Variants in FBXL20 observed in about 807,000 individuals in gnomAD.
FBXL20 encodes the protein F-box and leucine rich repeat protein 20, also known as F-box/LRR-repeat protein 20.
A neutral mutation model predicts 64.0 loss-of-function variants in FBXL20; 11 were observed. The ratio of observed to expected loss-of-function variants is 0.17; its 90% CI spans 0.11 to 0.28. The LOEUF is 0.28. FBXL20 is among the 10% of genes least tolerant of loss of function. The pLI is 1.00. For missense variants in FBXL20, 303 were observed against 526.2 expected (o/e 0.58, Z 4.15); for synonymous variants, 184 against 189.0 (o/e 0.97, Z 0.22).
At chr17:39,380,615 T>G (rs1015445797) in intron 1 of FBXL20, among the ~76,000 whole-genome samples, 1 of 152,182 alleles carries the variant, frequency 6.6e-6, no homozygotes, top group Non-Finnish European at 1.5e-5. Context: ...CCCCCTTTCC[T>G]GCCCTTTATT....
chr17:39,254,580 C>T lies in FBXL20; in HGVS notation c.*6880G>A, dbSNP rs2046678194. On this transcript the variant is annotated 3_prime_UTR_variant, in exon 15 of 15. Transcript: ENST00000264658. ...TTCTTTCGGTGGTGCCAAAACCTAT[C>T]TGTTTGACTGGTTAAGTGTGTAGAA... 6.5e-6 allele frequency: 1 copy of T among 154,334 alleles called. No individual in the cohort carries two copies. Among genetic ancestry groups the T allele is most frequent in the Non-Finnish European group, 1.5e-5 (1 of 68,190 alleles). The allele number at this position is 154,334 out of a possible 1,614,324, so 9.6% of individuals were successfully genotyped here.
intron 1 of FBXL20, among the ~76,000 whole-genome samples, chr17:39,368,598 C>A (rs183184925): frequency 3.5e-4 from 53 of 152,234 alleles, no homozygotes; most frequent in Admixed American, 7.9e-4. Flanking sequence ...CTAAAAACAA[C>A]AAAGGGTGTA....
In FBXL20 at chr17:39,299,102, C is replaced by A. The variant is rs1189228089; in HGVS notation, c.235-18G>T. Reference sequence around the variant, plus strand: ...ACTCGGCCCTGTAAAATGAGACAGGCAAACAAAAAGATAACCCACCTCATT... The same window carrying A: ...ACTCGGCCCTGTAAAATGAGACAGGAAAACAAAAAGATAACCCACCTCATT... On this transcript the variant is annotated intron_variant, in intron 4 of 14. Transcript: ENST00000264658. 1.9e-6 allele frequency: 3 copies of A among 1,555,846 alleles called. No homozygotes were observed. The highest frequency in any genetic ancestry group is 3.7e-5 in the Admixed American group (2 of 54,366).
At chr17:39,299,132 T>A (rs1160664806) in intron 4 of FBXL20, 48 bp from the exon 5 acceptor site, 1 of 1,326,038 alleles carries the variant, frequency 7.5e-7, no homozygotes, top group Non-Finnish European at 1.1e-6. Context: ...CTCATTACTT[T>A]AGAAAAGAAC....
At chr17:39,394,170 CT>C (rs1215529192) in intron 1 of FBXL20, among the ~76,000 whole-genome samples, 2 of 151,884 alleles carry the variant, frequency 1.3e-5, no homozygotes, top group Non-Finnish European at 2.9e-5. Context: ...TAAGGGCTTT[CT>C]TTCTTCTCCC....
At chr17:39,297,345 C>A in intron 5 of FBXL20, 150 bp from the exon 6 acceptor site, 1 of 457,746 alleles carries the variant, frequency 2.2e-6, no homozygotes, top group South Asian at 4.5e-5. Context: ...TGGTCTTCAT[C>A]TTCGGTTCTT....
At chr17:39,295,522 T>C (rs1350925243) in intron 6 of FBXL20, among the ~76,000 whole-genome samples, 1 of 152,176 alleles carries the variant, frequency 6.6e-6, no homozygotes, top group African/African-American at 2.4e-5. Context: ...CCCAAGGTGC[T>C]AGGATTATAG....
At chr17:39,377,366 T>C (rs916922601) in intron 1 of FBXL20, among the ~76,000 whole-genome samples, 3 of 152,116 alleles carry the variant, frequency 2.0e-5, no homozygotes, top group Non-Finnish European at 4.4e-5. Flanking sequence ...CACCAAGCTG[T>C]CCTTAAAAAC....
At chr17:39,372,696 A>G (rs1401895122) in intron 1 of FBXL20, among the ~76,000 whole-genome samples, 4 of 147,518 alleles carry the variant, frequency 2.7e-5, no homozygotes, top group African/African-American at 7.5e-5. Context: ...GCTCACTGCA[A>G]CCTCCACCTC....
chr17:39,321,334 C>T (rs2047353977), intron 2 of FBXL20, among the ~76,000 whole-genome samples: 1 of 151,150 alleles, frequency 6.6e-6, no homozygotes, highest in South Asian at 2.1e-4. Flanking sequence ...CACTTGTAAT[C>T]CCAGCTAGTC....
chr17:39,361,160 CAAGA>C (rs2047789917), intron 1 of FBXL20, among the ~76,000 whole-genome samples: 1 of 151,926 alleles, frequency 6.6e-6, no homozygotes, highest in Admixed American at 6.6e-5. Flanking sequence ...ACAGGAGTTA[CAAGA>C]ATTAGACCAT....
At chr17:39,323,940 AT>A in intron 2 of FBXL20, among the ~76,000 whole-genome samples, 1 of 141,812 alleles carries the variant, frequency 7.1e-6, no homozygotes, top group South Asian at 2.1e-4. Context: ...TATTTTTTGT[AT>A]TTTTAGTAGA....
At chr17:39,379,887 G>C (rs1238425992) in intron 1 of FBXL20, among the ~76,000 whole-genome samples, 1 of 152,136 alleles carries the variant, frequency 6.6e-6, no homozygotes, top group Non-Finnish European at 1.5e-5. Context: ...GCTGAGGTGG[G>C]AGGATCACTT....
chr17:39,270,179 T>C (rs1450430080), intron 11 of FBXL20, among the ~76,000 whole-genome samples: 3 of 152,184 alleles, frequency 2.0e-5, no homozygotes, highest in Non-Finnish European at 4.4e-5. Flanking sequence ...ATGTACCAAA[T>C]AACCAATAAG....
Position 39,275,007 on chromosome 17 carries a change from T to C in FBXL20, c.790A>G (p.Ile264Val). ...ASGCSNITDA[I>V]LNALGQNCPR... ...CAGTTCTGACCTAGAGCATTCAGGA[T>C]GGCATCTGTGATGTTGGAGCAGCCA... Residue 264 changes from isoleucine (I) to valine (V), a missense_variant, in exon 10 of 15, where the codon ATC (isoleucine) becomes GTC (valine). Transcript: ENST00000264658. The C allele has an allele frequency of 6.2e-7, 1 of 1,614,184 alleles. No individual in the cohort carries two copies. Among genetic ancestry groups the C allele is most frequent in the Non-Finnish European group, 8.5e-7 (1 of 1,180,020 alleles).
At chr17:39,334,861 G>A (rs1403300190) in intron 2 of FBXL20, among the ~76,000 whole-genome samples, 3 of 152,188 alleles carry the variant, frequency 2.0e-5, no homozygotes, top group East Asian at 3.8e-4. Context: ...AGGCTGAGGA[G>A]GGTGGATCCT....
chr17:39,401,299 G>A (rs2048240639), intron 1 of FBXL20, 62 bp downstream of exon 1: 8 of 1,611,062 alleles, frequency 5.0e-6, no homozygotes, highest in Admixed American at 3.3e-5. Flanking sequence ...CGGAGCGGAC[G>A]TTTTGGGATT....
At chr17:39,389,394 C>G (rs1429116771) in intron 1 of FBXL20, among the ~76,000 whole-genome samples, 1 of 152,068 alleles carries the variant, frequency 6.6e-6, no homozygotes, top group Non-Finnish European at 1.5e-5. Context: ...GAAACACATG[C>G]AAACGATTTT....
chr17:39,329,447 A>G (rs2047439784), intron 2 of FBXL20, among the ~76,000 whole-genome samples: 1 of 152,170 alleles, frequency 6.6e-6, no homozygotes, highest in Non-Finnish European at 1.5e-5. Context: ...AAGAAGAAAA[A>G]TATTTTCCCC....
Sources: gnomAD v4.1 joint callset for allele counts (sites outside exome capture counted in the v4.1 genomes callset) on GRCh38, gnomAD v4.1.1 for gene constraint, MANE v1.5 for transcripts, NCBI Gene and HGNC (gene_info 2026-07-23, HGNC 2026-07-21) for gene names.